The following HSPBAP1 variants were observed in gnomAD, a reference collection of about 807,000 sequenced individuals.
The protein encoded by HSPBAP1 is HSPB1 associated protein 1, also known as HSPB1-associated protein 1.
A neutral mutation model predicts 45.2 loss-of-function variants in HSPBAP1; 27 were observed. That is an observed-to-expected ratio of 0.60 (90% CI 0.44 to 0.82). The LOEUF (loss-of-function observed/expected upper bound fraction) is 0.82. Among genes scored for constraint, HSPBAP1 ranks in the 40% least tolerant of loss-of-function variants. The pLI is 0.00. For synonymous variants in HSPBAP1, 204 were observed against 202.7 expected (o/e 1.01, Z -0.06); for missense variants, 510 against 590.9 (o/e 0.86, Z 1.42).
At position 122,768,727 on chromosome 3, in the gene HSPBAP1, AT is replaced by A; in HGVS notation, c.405del (p.Phe136LeufsTer11). 1 of 1,612,468 alleles carries A rather than the reference AT, an allele frequency of 6.2e-7. No homozygotes were observed. Among genetic ancestry groups the A allele is most frequent in the Non-Finnish European group, 8.5e-7 (1 of 1,178,518 alleles). On this transcript the variant is annotated frameshift_variant, in exon 3 of 8. Transcript: ENST00000306103. LOFTEE classifies it high-confidence loss of function. ...TGGAAAAGATCTGTCTTGTCTTCAA[AT>A]AGACTGACAAAATATTTATAGTCAG... Reference protein sequence around the residue: ...AYADYKYFVSLFEDKTDLFQD... With the variant: ...AYADYKYFVSXFEDKTDLFQD...
chr3:122,740,779 G>C lies in HSPBAP1; in HGVS notation c.1033C>G (p.Gln345Glu). The C allele has an allele frequency of 6.2e-7, 1 of 1,613,992 alleles. No homozygotes were observed. Among genetic ancestry groups the C allele is most frequent in the Non-Finnish European group, 8.5e-7 (1 of 1,180,026 alleles). The change falls in exon 8 of 8, where the codon CAA becomes GAA. Residue 345 changes from glutamine (Q) to glutamate (E), a missense_variant. Physicochemically the swap from Gln to Glu is conservative, Grantham distance 29. Coordinates refer to ENST00000306103, the MANE Select transcript of HSPBAP1 (RefSeq NM_024610.6). Reference sequence around the variant, plus strand: ...TGCTCTCCATCTGTTCTCAGTGCTTGGATTTCTACTACCTCAGATGTTCTG... The same window carrying C: ...TGCTCTCCATCTGTTCTCAGTGCTTCGATTTCTACTACCTCAGATGTTCTG... ...RCRTSEVVEI[Q>E]ALRTDGEHMK...
At chr3:122,761,098 G>C (rs1360123290) in intron 3 of HSPBAP1, among the ~76,000 whole-genome samples, 1 of 152,040 alleles carries the variant, frequency 6.6e-6, no homozygotes, top group South Asian at 2.1e-4. Context: ...CAATTAACCT[G>C]GTCCTTGTTG....
intron 1 of HSPBAP1, among the ~76,000 whole-genome samples, chr3:122,783,158 G>A (rs894118550): frequency 6.6e-6 from 1 of 152,206 alleles, no homozygotes; most frequent in African/African-American, 2.4e-5. Context: ...TTATCTTCAG[G>A]TGACCTTTAC....
At chr3:122,746,799 C>A (rs113839195) in intron 6 of HSPBAP1, among the ~76,000 whole-genome samples, 2 of 152,082 alleles carry the variant, frequency 1.3e-5, no homozygotes, top group Admixed American at 6.5e-5. Context: ...ATTGCAGGCG[C>A]GCGCCGCCAC....
chr3:122,760,126 T>G (rs1934515914), intron 3 of HSPBAP1, among the ~76,000 whole-genome samples: 1 of 152,226 alleles, frequency 6.6e-6, no homozygotes, highest in African/African-American at 2.4e-5. Flanking sequence ...TCCATATGCC[T>G]GGTTCTGTGA....
chr3:122,746,866 G>T (rs1933883802), intron 6 of HSPBAP1, among the ~76,000 whole-genome samples: 1 of 152,118 alleles, frequency 6.6e-6, no homozygotes, highest in African/African-American at 2.4e-5. Context: ...TGTTGGCCGT[G>T]CTGGTCTCCA....
intron 6 of HSPBAP1, 89 bp from the exon 7 acceptor site, chr3:122,741,202 C>A: frequency 3.1e-6 from 3 of 960,760 alleles, no homozygotes; most frequent in South Asian, 2.8e-5. Flanking sequence ...ATCTTCTGTT[C>A]TCTCATTAAT....
chr3:122,762,323 C>T (rs1405591326), intron 3 of HSPBAP1, among the ~76,000 whole-genome samples: 1 of 150,168 alleles, frequency 6.7e-6, no homozygotes, highest in Admixed American at 6.6e-5. Context: ...CTTCCAATTG[C>T]TCTTCTCTCA....
chr3:122,788,759 T>G (rs1935729710), intron 1 of HSPBAP1, among the ~76,000 whole-genome samples: 1 of 152,038 alleles, frequency 6.6e-6, no homozygotes, highest in African/African-American at 2.4e-5. Flanking sequence ...TTCTAGAAAC[T>G]GAAAATAAAA....
At chr3:122,753,793 T>C (rs934162988) in intron 5 of HSPBAP1, 7 of 985,304 alleles carry the variant, frequency 7.1e-6, no homozygotes, top group Non-Finnish European at 6.0e-6. Context: ...CAGAGTAAAG[T>C]TTCAGTAAAG....
intron 4 of HSPBAP1, among the ~76,000 whole-genome samples, chr3:122,755,929 C>T (rs987402599): frequency 1.1e-4 from 17 of 152,058 alleles, no homozygotes; most frequent in African/African-American, 3.9e-4. Context: ...TAAGTTGATC[C>T]ATTAGGGAGT....
intron 1 of HSPBAP1, among the ~76,000 whole-genome samples, chr3:122,788,827 C>T (rs1172900902): frequency 1.3e-5 from 2 of 152,116 alleles, no homozygotes; most frequent in East Asian, 3.9e-4. Flanking sequence ...TTAACGGATA[C>T]AGAGTTCCAG....
rs545069079 is a variant in HSPBAP1 at position 122,747,917 on chromosome 3, A to G, written c.825+4674T>C. ...TCATTGAGAACGGGCCATGATGACAATGGCGGTTTTGTGGAATAGAAAGGG... is the reference window on the plus strand; with the variant it reads ...TCATTGAGAACGGGCCATGATGACAGTGGCGGTTTTGTGGAATAGAAAGGG... On this transcript the variant is annotated intron_variant, in intron 6 of 7. Coordinates refer to ENST00000306103, the MANE Select transcript of HSPBAP1 (RefSeq NM_024610.6). Among the ~76,000 whole-genome samples, 226 of 152,278 alleles carry G rather than the reference A, an allele frequency of 1.5e-3. 1 individual carries two copies. The highest frequency in any genetic ancestry group is 0.012 in the South Asian group (60 of 4,828).
intron 6 of HSPBAP1, among the ~76,000 whole-genome samples, chr3:122,747,941 G>C (rs976039306): frequency 7.2e-5 from 11 of 152,226 alleles, no homozygotes; most frequent in African/African-American, 2.4e-4. Flanking sequence ...GAATAGAAAG[G>C]GGGGAACGGT....
At chr3:122,792,890 A>G (rs1389696640) in intron 1 of HSPBAP1, among the ~76,000 whole-genome samples, 1 of 142,896 alleles carries the variant, frequency 7.0e-6, no homozygotes, top group Admixed American at 7.0e-5. Context: ...AAAAAAAAAA[A>G]GAGAGAAAAG....
intron 4 of HSPBAP1, among the ~76,000 whole-genome samples, chr3:122,757,042 TC>T (rs767362800): frequency 9.9e-5 from 15 of 152,162 alleles, no homozygotes; most frequent in Non-Finnish European, 4.4e-5. Context: ...CTTCTCCAGA[TC>T]CCAGTTCCTT....
intron 2 of HSPBAP1, among the ~76,000 whole-genome samples, chr3:122,772,749 A>G (rs936107130): frequency 2.6e-5 from 4 of 152,178 alleles, no homozygotes; most frequent in African/African-American, 9.6e-5. Flanking sequence ...TTAATAAAGC[A>G]TTATTTGATT....
intron 3 of HSPBAP1, among the ~76,000 whole-genome samples, chr3:122,767,009 AAACAT>A (rs2107521483): frequency 6.6e-6 from 1 of 152,328 alleles, no homozygotes; most frequent in African/African-American, 2.4e-5. Context: ...TGGGTATGAG[AAACAT>A]AACAAAACAC....
At position 122,778,523 on chromosome 3, in the gene HSPBAP1, A is replaced by AT. The variant is rs201863576; in HGVS notation, c.65-618dup. The stretch of plus-strand genomic sequence containing the variant: ...ACAGTCTAGTATTTCTTTTTTTTTT[A>AT]TTTTTTTTTTTTTTTTGAGACGGAG... On this transcript the variant is annotated intron_variant, in intron 1 of 7. Transcript: ENST00000306103. 2.3e-3 allele frequency among the ~76,000 whole-genome samples: 296 copies of AT among 126,814 alleles called. No individual in the cohort carries two copies. In the East Asian group the frequency reaches 0.026, roughly 11 times the overall value. The allele number at this position is 126,814 out of a possible 152,430, so 83.2% of individuals were successfully genotyped here. A position where few individuals can be genotyped will look rare whatever the true frequency, so the allele number is the denominator to read the frequency against.
Sources: allele counts gnomAD v4.1 joint callset (sites outside exome capture counted in the v4.1 genomes callset), GRCh38; gene constraint gnomAD v4.1.1; transcripts MANE v1.5; gene names NCBI Gene and HGNC (gene_info 2026-07-23, HGNC 2026-07-21).